Variants in IQGAP1 observed in about 807,000 individuals in gnomAD.
IQGAP1 encodes ras GTPase-activating-like protein IQGAP1.
A neutral mutation model predicts 215.6 loss-of-function variants in IQGAP1; 66 were observed. The ratio of observed to expected loss-of-function variants is 0.31; its 90% CI spans 0.25 to 0.38. The LOEUF is 0.38. Ranked by LOEUF, IQGAP1 falls within the 10% of genes least tolerant of loss-of-function variation. IQGAP1 has a pLI of 1.00. For missense variants in IQGAP1, 1,712 were observed against 1,997.1 expected (o/e 0.86, Z 2.72); for synonymous variants, 772 against 728.7 (o/e 1.06, Z -0.96).
chr15:90,410,673 C>T (rs1354698604), intron 2 of IQGAP1, among the ~76,000 whole-genome samples: 4 of 137,738 alleles, frequency 2.9e-5, no homozygotes, highest in African/African-American at 1.1e-4. Context: ...ACATCACACA[C>T]TGGGGCCTGT....
chr15:90,463,764 C>G (rs926851448), intron 15 of IQGAP1, among the ~76,000 whole-genome samples: 1 of 152,132 alleles, frequency 6.6e-6, no homozygotes, highest in African/African-American at 2.4e-5. Context: ...AATTGTAAGG[C>G]CAGCACCTAC....
intron 26 of IQGAP1, among the ~76,000 whole-genome samples, chr15:90,479,462 C>G (rs12440447): frequency 0.41 from 62,353 of 151,432 alleles, 14,518 homozygotes; most frequent in African/African-American, 0.65. Flanking sequence ...ATCTCACCAG[C>G]CATGGTAGCT....
chr15:90,445,738 G>T (rs1004175326), intron 9 of IQGAP1, among the ~76,000 whole-genome samples: 13 of 152,114 alleles, frequency 8.5e-5, no homozygotes, highest in African/African-American at 3.1e-4. Flanking sequence ...CATTTGGAGG[G>T]CCAAATTTCT....
At chr15:90,447,922 G>T (rs1441547633) in intron 9 of IQGAP1, among the ~76,000 whole-genome samples, 1 of 152,120 alleles carries the variant, frequency 6.6e-6, no homozygotes, top group Non-Finnish European at 1.5e-5. Flanking sequence ...AGGGGAAGAT[G>T]ACCCCTTTCA....
At chr15:90,473,389 GT>G (rs948906423) in intron 19 of IQGAP1, among the ~76,000 whole-genome samples, 2 of 152,096 alleles carry the variant, frequency 1.3e-5, no homozygotes, top group African/African-American at 4.8e-5. Context: ...CCAAGTCTTT[GT>G]CCCCATCTGT....
At chr15:90,389,279 A>G (rs938745078) in intron 1 of IQGAP1, among the ~76,000 whole-genome samples, 2 of 152,022 alleles carry the variant, frequency 1.3e-5, no homozygotes, top group African/African-American at 4.8e-5. Flanking sequence ...CTTACTAGCC[A>G]TACAGAGTAA....
At chr15:90,438,760 T>C (rs1965407137) in intron 5 of IQGAP1, among the ~76,000 whole-genome samples, 1 of 151,960 alleles carries the variant, frequency 6.6e-6, no homozygotes. Context: ...AATCTCACAC[T>C]GTTGCCCAGG....
Position 90,453,256 on chromosome 15 carries a change from C to T in IQGAP1, c.1451C>T (p.Thr484Ile), listed in dbSNP as rs772460394. Residue 484 changes from threonine to isoleucine, a missense_variant, in exon 13 of 38, where the codon ACT (threonine) becomes ATT (isoleucine). This residue lies in a region of IQGAP1 where 1,021 missense variants were observed against 1,074.2 expected (regional missense o/e 0.95). Coordinates refer to ENST00000268182, the MANE Select transcript of IQGAP1 (RefSeq NM_003870.4). ...TGGAAGCAATTGAGCAGTTCAGTTA[C>T]TGGTCTTACCAATATTGAGGAAGAA... ...TVWKQLSSSV[T>I]GLTNIEEENC... The T allele has an allele frequency of 2.5e-6, 4 of 1,613,630 alleles. No individual in the cohort carries two copies. The highest frequency in any genetic ancestry group is 3.4e-6 in the Non-Finnish European group (4 of 1,179,784).
At chr15:90,494,936 A>T in intron 36 of IQGAP1, 101 bp downstream of exon 36, 1 of 777,684 alleles carries the variant, frequency 1.3e-6, no homozygotes. Context: ...GGTTACTTTT[A>T]GTATTTTTTA....
At chr15:90,473,562 G>A (rs1965934744) in intron 19 of IQGAP1, 153 bp from the exon 20 acceptor site, 6 of 609,768 alleles carry the variant, frequency 9.8e-6, no homozygotes, top group Non-Finnish European at 1.8e-5. Context: ...GGGATGGCCC[G>A]TGCCCTTGTT....
chr15:90,429,512 A>G lies in IQGAP1; in HGVS notation c.313-77A>G, dbSNP rs1965273256. 8.1e-6 allele frequency: 9 copies of G among 1,106,538 alleles called. No homozygotes were observed. In the East Asian group the frequency reaches 2.0e-4, roughly 24 times the overall value. 68.5% of individuals were successfully genotyped at this position (1,106,538 alleles called of 1,614,324 possible). ...AAAATTTGTCAAATCTCTTGAGGAA[A>G]CTTTTGCGAAGAGAGTTTTTATTTA... On this transcript the variant is annotated intron_variant, in intron 3 of 37. Transcript: ENST00000268182.
At chr15:90,468,814 G>C (rs1417115631) in intron 18 of IQGAP1, among the ~76,000 whole-genome samples, 3 of 152,100 alleles carry the variant, frequency 2.0e-5, no homozygotes, top group Admixed American at 2.0e-4. Flanking sequence ...CTGGGCAACA[G>C]AGCAAGACCC....
chr15:90,487,191 C>T (rs1298814185), intron 32 of IQGAP1, 102 bp downstream of exon 32: 2 of 1,124,366 alleles, frequency 1.8e-6, no homozygotes, highest in East Asian at 2.4e-5. Flanking sequence ...CCATCCTGAC[C>T]TCTCGTACTT....
At chr15:90,421,140 G>GA (rs1348263042) in intron 2 of IQGAP1, among the ~76,000 whole-genome samples, 8 of 150,274 alleles carry the variant, frequency 5.3e-5, no homozygotes, top group African/African-American at 2.0e-4. Context: ...CCATCTCAAA[G>GA]AAAAATTTTT....
chr15:90,425,030 C>G (rs1250285363), intron 2 of IQGAP1, among the ~76,000 whole-genome samples: 2 of 151,924 alleles, frequency 1.3e-5, no homozygotes. Flanking sequence ...TTGCCATGGT[C>G]CGGGTCCAGT....
In IQGAP1 at chr15:90,425,403, C is replaced by T. The variant is rs1027263604; in HGVS notation, c.156-707C>T. Among the ~76,000 whole-genome samples the T allele has an allele frequency of 3.3e-5, 5 of 152,106 alleles. No homozygotes were observed. The South Asian group carries it at 6.2e-4, about 19-fold the overall frequency. On this transcript the variant is annotated intron_variant, in intron 2 of 37. Transcript: ENST00000268182. ...TTGGTAGAAAATACATGTAACTAAA[C>T]TTTCCTTTGTTTTATCTTAGGCTTT...
At chr15:90,428,111 A>G (rs1004593180) in intron 3 of IQGAP1, among the ~76,000 whole-genome samples, 11 of 151,990 alleles carry the variant, frequency 7.2e-5, no homozygotes, top group African/African-American at 2.7e-4. Flanking sequence ...TTGCTGTGTC[A>G]CCCAGGCTAG....
Position 90,500,126 on chromosome 15 carries a change from G to T in IQGAP1, c.*18G>T. The stretch of plus-strand genomic sequence containing the variant: ...GGAAGTAATTGATCGTTTGCTGCCA[G>T]CCCAGAAGGATGAAGGAAAGAAGCA... On this transcript the variant is annotated 3_prime_UTR_variant, in exon 38 of 38. Coordinates refer to ENST00000268182, the MANE Select transcript of IQGAP1 (RefSeq NM_003870.4). 1 of 1,405,508 alleles carries T rather than the reference G, an allele frequency of 7.1e-7. No homozygotes were observed. Among genetic ancestry groups the T allele is most frequent in the Non-Finnish European group, 1.0e-6 (1 of 990,412 alleles). 87.1% of individuals were successfully genotyped at this position (1,405,508 alleles called of 1,614,324 possible).
intron 23 of IQGAP1, among the ~76,000 whole-genome samples, chr15:90,476,073 C>T (rs375947080): frequency 2.6e-5 from 4 of 151,878 alleles, no homozygotes; most frequent in Non-Finnish European, 5.9e-5. Context: ...GTAGCTAGGA[C>T]GACAGGTGCA....
Sources: gnomAD v4.1 joint callset for allele counts (sites outside exome capture counted in the v4.1 genomes callset) on GRCh38, gnomAD v4.1.1 for gene constraint, gnomAD v4.1.1 regional missense constraint, MANE v1.5 for transcripts, NCBI Gene and HGNC (gene_info 2026-07-23, HGNC 2026-07-21) for gene names.